ZC3H3: variants seen among roughly 807,000 people sequenced by gnomAD.
ZC3H3 encodes the protein zinc finger CCCH-type containing 3, also known as zinc finger CCCH domain-containing protein 3.
A neutral mutation model predicts 77.3 loss-of-function variants in ZC3H3; 36 were observed. That is an observed-to-expected ratio of 0.47 (90% CI 0.36 to 0.61). The LOEUF is 0.61. ZC3H3 is among the 20% of genes least tolerant of loss of function. ZC3H3 has a pLI of 0.00. For missense variants in ZC3H3, 1,331 were observed against 1,312.2 expected, an observed-to-expected ratio of 1.01 and a Z score of -0.22; for synonymous variants, 626 against 555.2, an observed-to-expected ratio of 1.13 and a Z score of -1.79.
In ZC3H3 at chr8:143,437,868, G is replaced by C. The variant is rs1819626586; in HGVS notation, c.*188C>G. ...GGGACAGGGGCCTGGCTTGGGGGAGGAAGACCAGGCCCTGCGCACACGCTG... is the reference window on the plus strand; with the variant it reads ...GGGACAGGGGCCTGGCTTGGGGGAGCAAGACCAGGCCCTGCGCACACGCTG... On this transcript the variant is annotated 3_prime_UTR_variant, in exon 12 of 12. Transcript: ENST00000262577. The C allele has an allele frequency of 1.3e-5, 10 of 767,904 alleles. No individual in the cohort carries two copies. The highest frequency in any genetic ancestry group is 1.9e-5 in the Non-Finnish European group (9 of 477,816). 47.6% of individuals were successfully genotyped at this position (767,904 alleles called of 1,614,324 possible).
intron 5 of ZC3H3, among the ~76,000 whole-genome samples, chr8:143,472,251 C>G (rs1260383719): frequency 6.6e-6 from 1 of 152,238 alleles, no homozygotes; most frequent in Non-Finnish European, 1.5e-5. Flanking sequence ...GCTGGGGGAA[C>G]CAGACTGGCT....
chr8:143,541,340 G>C, intron 1 of ZC3H3, 36 bp downstream of exon 1: 1 of 1,605,572 alleles, frequency 6.2e-7, no homozygotes, highest in Non-Finnish European at 8.5e-7. Context: ...GAGGGGGAAA[G>C]AAGGGGACTC....
rs1821154414 is a variant in ZC3H3, at chr8:143,489,887, C to T, written c.1716-14302G>A. On this transcript the variant is annotated intron_variant, in intron 4 of 11. Transcript: ENST00000262577. ...CTGGGGAGTGGACGGGGCAGCGGGA[C>T]CCTTGCTGACTTGCAGGAAAGTCAG... 2.0e-5 allele frequency among the ~76,000 whole-genome samples: 3 copies of T among 152,124 alleles called. No homozygotes were observed. The South Asian group carries it at 6.2e-4, about 32-fold the overall frequency.
chr8:143,530,756 G>A lies in ZC3H3; in HGVS notation c.1561+5501C>T, dbSNP rs894605531. Among the ~76,000 whole-genome samples, 12 of 152,094 alleles carry A rather than the reference G, an allele frequency of 7.9e-5. No individual in the cohort carries two copies. The highest frequency in any genetic ancestry group is 2.9e-4 in the African/African-American group (12 of 41,402). On this transcript the variant is annotated intron_variant, in intron 3 of 11. Coordinates refer to ENST00000262577, the MANE Select transcript of ZC3H3 (RefSeq NM_015117.3). The surrounding 1 kb of genome is among the most constrained non-coding windows in gnomAD (Gnocchi z 4.3). ...CGTGTGTACTGTAAACACTGTACTC[G>A]AGAACACTGATTGCCACAGTTATGT...
Position 143,462,329 on chromosome 8 carries a change from C to T in ZC3H3, c.2307+3388G>A, listed in dbSNP as rs1278730156. The stretch of plus-strand genomic sequence containing the variant: ...CCAGCATCAGGCAATGCAGGAGGCA[C>T]TCTGTGACCATGGGTGGAGACTGGT... On this transcript the variant is annotated intron_variant, in intron 9 of 11. Coordinates refer to ENST00000262577, the MANE Select transcript of ZC3H3 (RefSeq NM_015117.3). This position sits in a 1 kb window ranked among gnomAD's most constrained non-coding sequence, Gnocchi z 4.7. 2.0e-5 allele frequency among the ~76,000 whole-genome samples: 3 copies of T among 152,226 alleles called. No homozygotes were observed. The highest frequency in any genetic ancestry group is 4.1e-4 in the South Asian group (2 of 4,836).
chr8:143,446,827 T>C (rs1487093131), intron 9 of ZC3H3, among the ~76,000 whole-genome samples: 1 of 152,252 alleles, frequency 6.6e-6, no homozygotes, highest in Non-Finnish European at 1.5e-5. Flanking sequence ...GGGGGCCCTC[T>C]GGGGCCTGGA....
intron 4 of ZC3H3, among the ~76,000 whole-genome samples, chr8:143,504,080 G>C (rs1283993117): frequency 1.4e-5 from 2 of 146,872 alleles, no homozygotes; most frequent in African/African-American, 4.9e-5. Context: ...CCTTCCCTCG[G>C]GCTGCAGGGA....
intron 4 of ZC3H3, among the ~76,000 whole-genome samples, chr8:143,497,739 G>A (rs940336655): frequency 2.0e-5 from 3 of 152,216 alleles, no homozygotes; most frequent in African/African-American, 7.2e-5. Context: ...CAGGGCCGTC[G>A]CTACATGGCT....
intron 3 of ZC3H3, among the ~76,000 whole-genome samples, chr8:143,529,598 T>G (rs1191954162): frequency 6.6e-6 from 1 of 152,050 alleles, no homozygotes; most frequent in Non-Finnish European, 1.5e-5. Flanking sequence ...CGCACCACAG[T>G]CGGGGGGAGA....
At chr8:143,439,910 GAGCCAGGCCATGCTGCCTACCT>G in intron 11 of ZC3H3, 109 bp downstream of exon 11, 1 of 557,370 alleles carries the variant, frequency 1.8e-6, no homozygotes, top group South Asian at 3.5e-5. Context: ...CTGGGGGCCC[GAGCCAGGCCATGCTGCCTACCT>G]GAGTCCTTGC....
intron 5 of ZC3H3, among the ~76,000 whole-genome samples, chr8:143,473,613 G>A (rs1335202491): frequency 1.3e-5 from 2 of 152,232 alleles, no homozygotes; most frequent in African/African-American, 2.4e-5. Flanking sequence ...TGTGCCTGCA[G>A]TGTCAGTGCA....
intron 8 of ZC3H3, 136 bp from the exon 9 acceptor site, chr8:143,465,984 C>T (rs1820398248): frequency 1.6e-6 from 2 of 1,265,492 alleles, no homozygotes; most frequent in Admixed American, 2.4e-5. Flanking sequence ...AGGGCAGCCA[C>T]CACGACCTGC....
chr8:143,506,505 A>T (rs1318336826), intron 4 of ZC3H3, among the ~76,000 whole-genome samples: 1 of 152,212 alleles, frequency 6.6e-6, no homozygotes, highest in Non-Finnish European at 1.5e-5. Context: ...CCACTTAGCA[A>T]TGTGAATTAA....
At chr8:143,524,115 G>A (rs1822337295) in intron 3 of ZC3H3, among the ~76,000 whole-genome samples, 1 of 152,260 alleles carries the variant, frequency 6.6e-6, no homozygotes, top group Non-Finnish European at 1.5e-5. Flanking sequence ...AAGTGTGCCT[G>A]GGAGAGACAC....
At chr8:143,467,452 A>G (rs961752409) in intron 8 of ZC3H3, among the ~76,000 whole-genome samples, 7 of 152,236 alleles carry the variant, frequency 4.6e-5, no homozygotes, top group South Asian at 2.1e-4. Flanking sequence ...AATTGCTCAC[A>G]ACAGAGTTCC....
At position 143,441,009 on chromosome 8, in the gene ZC3H3, C is replaced by T. The variant is rs780562991; in HGVS notation, c.2419G>A (p.Ala807Thr). The T allele has an allele frequency of 2.7e-6, 4 of 1,472,898 alleles. No individual in the cohort carries two copies. The East Asian group carries it at 8.1e-5, about 30-fold the overall frequency. The allele number at this position is 1,472,898 out of a possible 1,614,324, so 91.2% of individuals were successfully genotyped here. A position where few individuals can be genotyped will look rare whatever the true frequency, so the allele number is the denominator to read the frequency against. Reference sequence around the variant, plus strand: ...GGCCCTGGGGCGGGGGACGTGGCTGCCCGCCGACTGTGGCGTTTCTGGGTA... The same window carrying T: ...GGCCCTGGGGCGGGGGACGTGGCTGTCCGCCGACTGTGGCGTTTCTGGGTA... ...HRTQKRHSRRAATSPAPGPSD... is the reference protein window; with the variant it reads ...HRTQKRHSRRTATSPAPGPSD... Residue 807 changes from alanine (A) to threonine (T), a missense_variant, in exon 10 of 12, where the codon GCA becomes ACA. Physicochemically the swap from Ala to Thr is moderately conservative, Grantham distance 58. Transcript: ENST00000262577.
chr8:143,525,493 C>A (rs1822383461), intron 3 of ZC3H3, among the ~76,000 whole-genome samples: 1 of 152,230 alleles, frequency 6.6e-6, no homozygotes, highest in South Asian at 2.1e-4. Flanking sequence ...ACCCAAGGGA[C>A]CCCACAGCAC....
intron 4 of ZC3H3, among the ~76,000 whole-genome samples, chr8:143,492,391 C>G (rs1015544009): frequency 5.9e-5 from 9 of 152,104 alleles, no homozygotes; most frequent in Non-Finnish European, 7.4e-5. Flanking sequence ...CCTGGCCCGC[C>G]TTATATCCCC....
intron 9 of ZC3H3, 63 bp downstream of exon 9, chr8:143,465,654 A>C: frequency 6.3e-7 from 1 of 1,598,068 alleles, no homozygotes; most frequent in Admixed American, 1.7e-5. Flanking sequence ...GGTACCCAGG[A>C]GTGAGCAGAG....
Sources: allele counts gnomAD v4.1 joint callset (sites outside exome capture counted in the v4.1 genomes callset), GRCh38; gene constraint gnomAD v4.1.1; non-coding constraint Gnocchi (gnomAD v3.1); transcripts MANE v1.5; gene names NCBI Gene and HGNC (gene_info 2026-07-23, HGNC 2026-07-21).